The following UBAC2 variants were observed in gnomAD, a reference collection of about 807,000 sequenced individuals.
UBAC2 encodes the protein ubiquitin-associated domain-containing protein 2.
UBAC2 carries 26 observed loss-of-function variants against 44.0 expected under a neutral mutation model. That is an observed-to-expected ratio of 0.59 (90% confidence interval 0.43 to 0.82). The LOEUF is 0.82. UBAC2 is among the 40% of genes least tolerant of loss of function. The probability of loss-of-function intolerance (pLI) is 0.00; values close to 1 mark genes in which losing one functional copy is unlikely to be tolerated. For synonymous variants in UBAC2, 155 were observed against 154.3 expected (o/e 1.00, Z -0.04); for missense variants, 329 against 419.4 (o/e 0.78, Z 1.88).
intron 4 of UBAC2, among the ~76,000 whole-genome samples, chr13:99,248,859 A>G (rs1370617418): frequency 6.6e-6 from 1 of 152,178 alleles, no homozygotes; most frequent in Non-Finnish European, 1.5e-5. Flanking sequence ...TATAGACTCA[A>G]AGAAAACTCA....
chr13:99,337,083 G>A (rs1291622311), intron 6 of UBAC2, among the ~76,000 whole-genome samples: 1 of 152,134 alleles, frequency 6.6e-6, no homozygotes, highest in African/African-American at 2.4e-5. Flanking sequence ...AAGTGGAATC[G>A]TGTTTTCAGG....
At chr13:99,340,234 G>A (rs929357764) in intron 6 of UBAC2, 86 bp from the exon 7 acceptor site, 39 of 1,482,234 alleles carry the variant, frequency 2.6e-5, no homozygotes, top group East Asian at 2.0e-4. Flanking sequence ...CGTGTGCAGT[G>A]TCTGGAGGCT....
At chr13:99,375,534 A>G (rs190569945) in intron 8 of UBAC2, among the ~76,000 whole-genome samples, 7 of 152,310 alleles carry the variant, frequency 4.6e-5, no homozygotes, top group African/African-American at 1.4e-4. Context: ...GGCCGTCTTC[A>G]GGTGGGCATC....
chr13:99,242,333 ACCCC>A (rs1188972419), intron 2 of UBAC2, among the ~76,000 whole-genome samples: 40 of 133,750 alleles, frequency 3.0e-4, no homozygotes, highest in South Asian at 2.0e-3. Flanking sequence ...CGGGGGGCTG[ACCCC>A]CCCACCTCCC....
At chr13:99,379,713 T>A (rs560462284) in intron 8 of UBAC2, among the ~76,000 whole-genome samples, 25 of 152,340 alleles carry the variant, frequency 1.6e-4, no homozygotes, top group African/African-American at 5.8e-4. Flanking sequence ...TTCTGTTTCT[T>A]CAGATCCTAT....
At chr13:99,290,181 C>A (rs1047324824) in intron 4 of UBAC2, among the ~76,000 whole-genome samples, 2 of 152,108 alleles carry the variant, frequency 1.3e-5, no homozygotes, top group African/African-American at 4.8e-5. Flanking sequence ...CTGGAAAGTG[C>A]GACTGATAAA....
intron 2 of UBAC2, among the ~76,000 whole-genome samples, 197 bp from the exon 3 acceptor site, chr13:99,243,635 T>G (rs1465801339): frequency 6.6e-6 from 1 of 152,196 alleles, no homozygotes; most frequent in Non-Finnish European, 1.5e-5. Flanking sequence ...GTACCTTTCG[T>G]GCCACTGTTG....
rs1272097618 is a variant in UBAC2 at position 99,244,551 on chromosome 13, T to C, written c.316T>C (p.Phe106Leu). The C allele has an allele frequency of 6.2e-7, 1 of 1,613,500 alleles. No homozygotes were observed. The highest frequency in any genetic ancestry group is 1.1e-5 in the South Asian group (1 of 91,068). ...GGGTTCCTGGGTTTTGTCAGCCTTA[T>C]TTGACTTTCTCCTCATTGAAGCTAT... is the stretch of plus-strand genomic sequence containing the variant. Reference protein sequence around the residue: ...LLGSWVLSALFDFLLIEAMQY... With the variant: ...LLGSWVLSALLDFLLIEAMQY... The change falls in exon 4 of 9, where the codon TTT (phenylalanine) becomes CTT (leucine). Residue 106 changes from phenylalanine (F) to leucine (L), a missense_variant. Transcript: ENST00000403766.
chr13:99,230,097 AG>A (rs1294017858), intron 1 of UBAC2, among the ~76,000 whole-genome samples: 1 of 152,202 alleles, frequency 6.6e-6, no homozygotes, highest in Non-Finnish European at 1.5e-5. Flanking sequence ...TCACTTCCTC[AG>A]GGACATGATA....
chr13:99,368,787 C>T (rs1159717632), intron 8 of UBAC2, among the ~76,000 whole-genome samples: 3 of 151,898 alleles, frequency 2.0e-5, no homozygotes, highest in African/African-American at 4.8e-5. Context: ...TAGCAGTGGG[C>T]TCACCTACTG....
chr13:99,257,687 T>C (rs748217364), intron 4 of UBAC2, among the ~76,000 whole-genome samples: 1 of 152,204 alleles, frequency 6.6e-6, no homozygotes, highest in Non-Finnish European at 1.5e-5. Context: ...ATACCATGAT[T>C]ATCTGTAGCT....
intron 1 of UBAC2, among the ~76,000 whole-genome samples, chr13:99,227,256 T>G (rs2043121409): frequency 6.6e-6 from 1 of 151,330 alleles, no homozygotes; most frequent in African/African-American, 2.4e-5. Context: ...TATGCTGCAG[T>G]AGCAAACAAC....
intron 1 of UBAC2, 82 bp from the exon 2 acceptor site, chr13:99,238,345 T>G: frequency 6.6e-7 from 1 of 1,510,860 alleles, no homozygotes. Flanking sequence ...TTAAAAGAAG[T>G]GAATTCTCTT....
At chr13:99,217,123 G>A (rs1028527977) in intron 1 of UBAC2, among the ~76,000 whole-genome samples, 5 of 152,146 alleles carry the variant, frequency 3.3e-5, no homozygotes, top group East Asian at 3.9e-4. Context: ...GAGCCACGGC[G>A]CCTGGCCTCT....
chr13:99,331,299 A>G (rs1490956755), intron 6 of UBAC2, among the ~76,000 whole-genome samples: 1 of 152,224 alleles, frequency 6.6e-6, no homozygotes, highest in African/African-American at 2.4e-5. Context: ...ATGAAGGTGA[A>G]ATAAACTTCT....
chr13:99,301,027 C>A (rs1408081028), intron 4 of UBAC2, among the ~76,000 whole-genome samples: 1 of 151,258 alleles, frequency 6.6e-6, no homozygotes, highest in Admixed American at 6.6e-5. Context: ...TATCATTTAT[C>A]ATTGTATTGC....
chr13:99,320,355 C>A (rs1398109269), intron 6 of UBAC2, among the ~76,000 whole-genome samples: 2 of 151,960 alleles, frequency 1.3e-5, no homozygotes, highest in Non-Finnish European at 2.9e-5. Context: ...AAATAAAATT[C>A]TTGACCAAAA....
intron 7 of UBAC2, among the ~76,000 whole-genome samples, chr13:99,350,681 T>G (rs1453700642): frequency 6.6e-6 from 1 of 152,244 alleles, no homozygotes; most frequent in Non-Finnish European, 1.5e-5. Context: ...TGTCAGTGTT[T>G]CCCTGAGTTC....
chr13:99,369,215 A>G (rs536794974), intron 8 of UBAC2, among the ~76,000 whole-genome samples: 57 of 152,226 alleles, frequency 3.7e-4, no homozygotes, highest in Non-Finnish European at 6.5e-4. Context: ...AAAATGATCA[A>G]TATATGAAGA....
Sources: gnomAD v4.1 joint callset for allele counts (sites outside exome capture counted in the v4.1 genomes callset) on GRCh38, gnomAD v4.1.1 for gene constraint, MANE v1.5 for transcripts, NCBI Gene and HGNC (gene_info 2026-07-23, HGNC 2026-07-21) for gene names.